Variants in FNDC3A observed in about 807,000 individuals in gnomAD.
FNDC3A encodes fibronectin type III domain containing 3A.
In FNDC3A, 32 loss-of-function variants were observed where a neutral mutation model predicts 148.9. That is an observed-to-expected ratio of 0.21 (90% CI 0.16 to 0.29). FNDC3A has a LOEUF of 0.29. Ranked by LOEUF, FNDC3A falls within the 10% of genes least tolerant of loss-of-function variation. FNDC3A has a pLI of 1.00. For missense variants in FNDC3A, 1,191 were observed against 1,452.8 expected (o/e 0.82, Z 2.93); for synonymous variants, 472 against 473.6 (o/e 1.00, Z 0.04).
At chr13:49,161,228 T>G (rs1023013197) in intron 8 of FNDC3A, among the ~76,000 whole-genome samples, 1 of 152,196 alleles carries the variant, frequency 6.6e-6, no homozygotes, top group African/African-American at 2.4e-5. Flanking sequence ...GGTGTTAAAG[T>G]CTCCCATTAT....
At chr13:49,176,394 A>G (rs1260429915) in intron 13 of FNDC3A, among the ~76,000 whole-genome samples, 1 of 152,084 alleles carries the variant, frequency 6.6e-6, no homozygotes, top group Non-Finnish European at 1.5e-5. Context: ...AGAGAACCAA[A>G]CACTGCATGT....
At chr13:49,025,432 A>G (rs771729543) in intron 2 of FNDC3A, among the ~76,000 whole-genome samples, 1 of 152,066 alleles carries the variant, frequency 6.6e-6, no homozygotes, top group South Asian at 2.1e-4. Flanking sequence ...TGAATAAAAT[A>G]CCTGTTCTTT....
At chr13:49,013,942 G>A (rs1416664589) in intron 2 of FNDC3A, among the ~76,000 whole-genome samples, 1 of 151,344 alleles carries the variant, frequency 6.6e-6, no homozygotes, top group African/African-American at 2.4e-5. Context: ...ATTTTTTATA[G>A]CTGCATAGTA....
intron 2 of FNDC3A, among the ~76,000 whole-genome samples, chr13:49,062,869 G>A (rs1474787242): frequency 2.0e-5 from 3 of 152,054 alleles, no homozygotes; most frequent in South Asian, 2.1e-4. Flanking sequence ...TGTGCCACAC[G>A]GTAGCTGTTT....
At chr13:49,091,844 A>G (rs919619723) in intron 3 of FNDC3A, among the ~76,000 whole-genome samples, 2 of 152,206 alleles carry the variant, frequency 1.3e-5, no homozygotes, top group Non-Finnish European at 1.5e-5. Flanking sequence ...CTTCCATTTG[A>G]TGATGGAATG....
At chr13:49,017,798 T>G (rs180716890) in intron 2 of FNDC3A, among the ~76,000 whole-genome samples, 12,491 of 151,998 alleles carry the variant, frequency 0.082, 710 homozygotes, top group Non-Finnish European at 0.12. Flanking sequence ...GCAGGCCTGG[T>G]GGTGACAAAA....
At chr13:49,042,739 T>C (rs116789323) in intron 2 of FNDC3A, among the ~76,000 whole-genome samples, 2,839 of 152,224 alleles carry the variant, frequency 0.019, 93 homozygotes, top group African/African-American at 0.063. Flanking sequence ...ATTGTGCCAC[T>C]GTACTCCAGC....
chr13:49,125,421 G>A (rs1017431678), intron 4 of FNDC3A, among the ~76,000 whole-genome samples: 1 of 152,048 alleles, frequency 6.6e-6, no homozygotes, highest in African/African-American at 2.4e-5. Flanking sequence ...CTATGTTATT[G>A]TTTAAGAGCT....
intron 2 of FNDC3A, among the ~76,000 whole-genome samples, chr13:49,056,554 G>T (rs1876259205): frequency 6.6e-6 from 1 of 152,026 alleles, no homozygotes; most frequent in Non-Finnish European, 1.5e-5. Flanking sequence ...TTCATTCTCT[G>T]TTCTTCTCCT....
chr13:49,065,257 C>T (rs993298412), intron 2 of FNDC3A, among the ~76,000 whole-genome samples: 3 of 152,138 alleles, frequency 2.0e-5, no homozygotes, highest in African/African-American at 7.2e-5. Flanking sequence ...GTATCTGGAC[C>T]TTTTTTACAT....
chr13:49,129,674 A>T (rs1274103516), intron 4 of FNDC3A, among the ~76,000 whole-genome samples: 1 of 152,184 alleles, frequency 6.6e-6, no homozygotes, highest in Non-Finnish European at 1.5e-5. Context: ...ATAGGGAGAA[A>T]GGGGTCTGAG....
intron 3 of FNDC3A, among the ~76,000 whole-genome samples, chr13:49,103,517 T>C (rs1879986036): frequency 6.6e-6 from 1 of 152,134 alleles, no homozygotes; most frequent in African/African-American, 2.4e-5. Context: ...TACAATGAAA[T>C]TTGTTTTTTA....
intron 20 of FNDC3A, 71 bp downstream of exon 20, chr13:49,197,061 A>T: frequency 1.1e-6 from 1 of 906,250 alleles, no homozygotes; most frequent in Non-Finnish European, 1.7e-6. Flanking sequence ...AAGAATAAAG[A>T]TACTGTTCAT....
intron 2 of FNDC3A, among the ~76,000 whole-genome samples, chr13:49,026,756 C>T (rs537466107): frequency 1.2e-4 from 18 of 152,004 alleles, no homozygotes; most frequent in Middle Eastern, 3.4e-3. Context: ...CTTCCTGCCT[C>T]GATAGAAGGT....
chr13:49,124,687 A>G (rs1214253816), intron 4 of FNDC3A, among the ~76,000 whole-genome samples: 2 of 152,152 alleles, frequency 1.3e-5, no homozygotes, highest in African/African-American at 4.8e-5. Flanking sequence ...CTTTTAAGAA[A>G]TTGGTGTACT....
intron 19 of FNDC3A, among the ~76,000 whole-genome samples, chr13:49,194,263 AT>A (rs770234926): frequency 1.3e-5 from 2 of 152,348 alleles, no homozygotes; most frequent in East Asian, 3.9e-4. Context: ...TCTCAAAAAA[AT>A]AATAACATAT....
chr13:49,057,818 T>C (rs1876363085), intron 2 of FNDC3A, among the ~76,000 whole-genome samples: 1 of 152,178 alleles, frequency 6.6e-6, no homozygotes. Flanking sequence ...TTTAGTTAAC[T>C]AGCACACTTT....
intron 1 of FNDC3A, among the ~76,000 whole-genome samples, chr13:49,002,180 A>G (rs1952138887): frequency 6.6e-6 from 1 of 152,178 alleles, no homozygotes; most frequent in South Asian, 2.1e-4. Context: ...TGCCCTGGGT[A>G]GAACTTCCAG....
intron 3 of FNDC3A, among the ~76,000 whole-genome samples, chr13:49,089,439 AAG>A (rs1481920809): frequency 6.6e-6 from 1 of 152,228 alleles, no homozygotes; most frequent in Non-Finnish European, 1.5e-5. Flanking sequence ...ACTTTTAAGA[AAG>A]AGAGATTGTC....
Sources: allele counts gnomAD v4.1 joint callset (sites outside exome capture counted in the v4.1 genomes callset), GRCh38; gene constraint gnomAD v4.1.1; transcripts MANE v1.5; gene names NCBI Gene and HGNC (gene_info 2026-07-23, HGNC 2026-07-21).